SLC36A1: variants seen among roughly 807,000 people sequenced by gnomAD.
SLC36A1 encodes the protein proton-coupled amino acid transporter 1.
SLC36A1 carries 30 observed loss-of-function variants against 47.5 expected under a neutral mutation model. The ratio of observed to expected loss-of-function variants is 0.63; its 90% confidence interval spans 0.47 to 0.86. SLC36A1 has a LOEUF of 0.86. SLC36A1 is among the 40% of genes least tolerant of loss of function. SLC36A1 has a pLI of 0.00. For missense variants in SLC36A1, 517 were observed against 606.0 expected, an observed-to-expected ratio of 0.85 and a Z score of 1.54; for synonymous variants, 255 against 249.7, an observed-to-expected ratio of 1.02 and a Z score of -0.20.
At chr5:151,368,946 G>T in the SLC36A1 span, among the ~76,000 whole-genome samples, 25 of 152,184 alleles carry the variant, frequency 1.6e-4, no homozygotes, top group African/African-American at 2.2e-4. Flanking sequence ...AAACCTACCA[G>T]CCTGGCTATT....
the SLC36A1 span, among the ~76,000 whole-genome samples, chr5:151,524,851 C>G: frequency 6.6e-6 from 1 of 152,222 alleles, no homozygotes; most frequent in African/African-American, 2.4e-5. Flanking sequence ...GGCAGCTTGG[C>G]TCTCTGCTCA....
chr5:151,402,276 T>C, the SLC36A1 span, among the ~76,000 whole-genome samples: 14 of 152,180 alleles, frequency 9.2e-5, no homozygotes, highest in African/African-American at 3.4e-4. Context: ...TTCTATTCTA[T>C]TTATTTGGTG....
the SLC36A1 span, among the ~76,000 whole-genome samples, chr5:151,356,645 C>G: frequency 2.2e-3 from 341 of 152,236 alleles, 3 homozygotes; most frequent in African/African-American, 7.9e-3. Context: ...CAAGTACCCC[C>G]CTCTCATCCA....
chr5:151,423,011 G>A, the SLC36A1 span, among the ~76,000 whole-genome samples: 1 of 152,034 alleles, frequency 6.6e-6, no homozygotes, highest in East Asian at 1.9e-4. Context: ...CAAAGAAGAT[G>A]GCAAATAAGC....
At chr5:151,377,761 A>G in the SLC36A1 span, among the ~76,000 whole-genome samples, 3 of 152,234 alleles carry the variant, frequency 2.0e-5, no homozygotes, top group East Asian at 5.8e-4. Flanking sequence ...TCTCTTCACC[A>G]TTATGTAATT....
the SLC36A1 span, among the ~76,000 whole-genome samples, chr5:151,385,699 C>T: frequency 1.3e-5 from 2 of 151,540 alleles, no homozygotes; most frequent in African/African-American, 4.9e-5. Flanking sequence ...AGGGCAACAC[C>T]CCAATAAAAA....
chr5:151,521,240 A>G, the SLC36A1 span: 2 of 1,556,648 alleles, frequency 1.3e-6, no homozygotes, highest in Non-Finnish European at 1.7e-6. Context: ...TGAGCCCAGC[A>G]GTGCTGCTCG....
the SLC36A1 span, among the ~76,000 whole-genome samples, chr5:151,365,655 G>A: frequency 6.6e-6 from 1 of 152,186 alleles, no homozygotes; most frequent in Non-Finnish European, 1.5e-5. Context: ...GGGTTTAGTG[G>A]TTATGAACAA....
chr5:151,390,261 G>GT, the SLC36A1 span, among the ~76,000 whole-genome samples: 7 of 152,168 alleles, frequency 4.6e-5, no homozygotes, highest in South Asian at 1.0e-3. Context: ...GGGGTTGTTT[G>GT]TTTTTTTCTT....
At chr5:151,498,829 G>A in the SLC36A1 span, among the ~76,000 whole-genome samples, 2 of 152,156 alleles carry the variant, frequency 1.3e-5, no homozygotes, top group Non-Finnish European at 2.9e-5. Flanking sequence ...GGGCCCCTGT[G>A]GACCCATCCT....
chr5:151,420,511 C>A, the SLC36A1 span, among the ~76,000 whole-genome samples: 4 of 152,180 alleles, frequency 2.6e-5, no homozygotes, highest in African/African-American at 9.7e-5. Flanking sequence ...TGGGGATGAT[C>A]GTGCATGCCG....
At chr5:151,545,055 T>G in the SLC36A1 span, 1 of 1,614,138 alleles carries the variant, frequency 6.2e-7, no homozygotes, top group Non-Finnish European at 8.5e-7. Context: ...ACGCCACACC[T>G]CTTGTCTGCA....
At chr5:151,449,791 C>T (rs948999996) in intron 1 of SLC36A1, among the ~76,000 whole-genome samples, 1 of 152,118 alleles carries the variant, frequency 6.6e-6, no homozygotes, top group African/African-American at 2.4e-5. Flanking sequence ...GCAATTACTT[C>T]GGGGATGTTG....
the SLC36A1 span, among the ~76,000 whole-genome samples, chr5:151,410,230 C>T: frequency 6.8e-6 from 1 of 147,326 alleles, no homozygotes; most frequent in East Asian, 2.2e-4. Context: ...AGCACAGTGG[C>T]CAGCTCAAGG....
the SLC36A1 span, chr5:151,550,790 C>G: frequency 1.2e-6 from 2 of 1,614,026 alleles, no homozygotes; most frequent in Admixed American, 3.3e-5. Flanking sequence ...GGCACGGTGT[C>G]CTGGGGAACT....
At chr5:151,436,987 A>G (rs1156906673), upstream of SLC36A1, 5 of 152,020 alleles carry the variant, frequency 3.3e-5, no homozygotes, top group Non-Finnish European at 4.4e-5. Flanking sequence ...CTTTGTTCCC[A>G]TTGTGAGGTA....
chr5:151,491,370 T>C lies in SLC36A1; in HGVS notation c.*3116T>C, dbSNP rs1432172412. ...CATCATTTCACTTCAGCCGCCCAAT[T>C]CCATCTCTCCTCTGCAGCCAGATTC... On this transcript the variant is annotated 3_prime_UTR_variant, in exon 11 of 11. Transcript: ENST00000243389. The C allele has an allele frequency of 1.3e-5, 2 of 152,624 alleles. No individual in the cohort carries two copies. The highest frequency in any genetic ancestry group is 2.1e-4 in the South Asian group (1 of 4,824). The allele number at this position is 152,624 out of a possible 1,614,324, so 9.5% of individuals were successfully genotyped here.
At chr5:151,457,183 A>G (rs1402677031) in intron 1 of SLC36A1, among the ~76,000 whole-genome samples, 1 of 151,910 alleles carries the variant, frequency 6.6e-6, no homozygotes, top group Non-Finnish European at 1.5e-5. Context: ...GACTCTGTAG[A>G]GTGGTTGTTT....
rs1757774459 is a variant in SLC36A1, at chr5:151,474,422, C to CT, written c.822+652dup. ...AAGTCCTGGCTCTGCCATAGAGTAG[C>CT]TGTGTGACCTTGAGCAAGGGCTTCA... On this transcript the variant is annotated intron_variant, in intron 8 of 10. Coordinates refer to ENST00000243389, the MANE Select transcript of SLC36A1 (RefSeq NM_078483.4). Among the ~76,000 whole-genome samples the CT allele has an allele frequency of 3.3e-5, 5 of 152,022 alleles. No individual in the cohort carries two copies. In the South Asian group the frequency reaches 1.0e-3, roughly 32 times the overall value.
Sources: gnomAD v4.1 joint callset for allele counts (sites outside exome capture counted in the v4.1 genomes callset) on GRCh38, gnomAD v4.1.1 for gene constraint, MANE v1.5 for transcripts, NCBI Gene and HGNC (gene_info 2026-07-23, HGNC 2026-07-21) for gene names.